PDE4D: variants seen among roughly 807,000 people sequenced by gnomAD.
PDE4D encodes phosphodiesterase 4D, also known as 3',5'-cyclic-AMP phosphodiesterase 4D.
A neutral mutation model predicts 87.4 loss-of-function variants in PDE4D; 24 were observed. The ratio of observed to expected loss-of-function variants is 0.27; its 90% confidence interval spans 0.20 to 0.39. The LOEUF is 0.39. Among genes scored for constraint, PDE4D ranks in the 10% least tolerant of loss-of-function variants. The pLI is 1.00. For missense variants in PDE4D, 714 were observed against 1,041.0 expected, an observed-to-expected ratio of 0.69 and a Z score of 4.32; for synonymous variants, 384 against 383.2, an observed-to-expected ratio of 1.00 and a Z score of -0.02.
intron 5 of PDE4D, among the ~76,000 whole-genome samples, chr5:59,145,538 T>G (rs1188038281): frequency 6.6e-6 from 1 of 152,212 alleles, no homozygotes; most frequent in Non-Finnish European, 1.5e-5. Flanking sequence ...TAAAATGCAA[T>G]TTTACATTCA....
chr5:59,218,007 A>G (rs767455675), intron 1 of PDE4D: 2 of 489,288 alleles, frequency 4.1e-6, no homozygotes, highest in South Asian at 3.0e-5. Flanking sequence ...GGGATATCTG[A>G]GAAGTTTTCA....
chr5:59,764,654 T>G (rs1222714600), intron 1 of PDE4D, among the ~76,000 whole-genome samples: 4 of 135,208 alleles, frequency 3.0e-5, no homozygotes, highest in Non-Finnish European at 6.4e-5. Context: ...GAAGTCCCTT[T>G]TTTTTTTTTT....
At chr5:59,659,814 G>C (rs558377430) in intron 1 of PDE4D, among the ~76,000 whole-genome samples, 1 of 152,146 alleles carries the variant, frequency 6.6e-6, no homozygotes, top group Non-Finnish European at 1.5e-5. Context: ...AGCTCTGAAT[G>C]CATCAAGATA....
At chr5:59,765,933 A>G (rs1301386479) in intron 1 of PDE4D, among the ~76,000 whole-genome samples, 1 of 152,218 alleles carries the variant, frequency 6.6e-6, no homozygotes, top group Non-Finnish European at 1.5e-5. Flanking sequence ...CTTTGTAATA[A>G]TTAGGTACAG....
chr5:59,464,898 T>C (rs1480161966), intron 1 of PDE4D, among the ~76,000 whole-genome samples: 1 of 152,098 alleles, frequency 6.6e-6, no homozygotes, highest in Non-Finnish European at 1.5e-5. Context: ...AAAAAAAAAA[T>C]CTTTTCAAAA....
At chr5:59,637,023 A>T (rs1832333709) in intron 1 of PDE4D, among the ~76,000 whole-genome samples, 1 of 152,240 alleles carries the variant, frequency 6.6e-6, no homozygotes, top group African/African-American at 2.4e-5. Context: ...AATATCCAGA[A>T]TCTACAAGGA....
intron 6 of PDE4D, among the ~76,000 whole-genome samples, chr5:59,027,488 G>A (rs938434853): frequency 2.8e-4 from 42 of 152,198 alleles, no homozygotes; most frequent in African/African-American, 6.5e-4. Context: ...TGGGAATTCC[G>A]CACAGGAGGA....
chr5:59,131,960 C>T (rs1776356116), intron 5 of PDE4D, among the ~76,000 whole-genome samples: 1 of 152,044 alleles, frequency 6.6e-6, no homozygotes, highest in Non-Finnish European at 1.5e-5. Flanking sequence ...TCGCGTATGG[C>T]TCCAACCTAC....
At chr5:60,504,556 A>G (rs1052666815) in intron 1 of PDE4D, among the ~76,000 whole-genome samples, 2 of 152,164 alleles carry the variant, frequency 1.3e-5, no homozygotes, top group African/African-American at 4.8e-5. Flanking sequence ...AGCCTCTGCT[A>G]CACTAAAATG....
At chr5:59,191,301 A>G (rs926482386) in intron 3 of PDE4D, among the ~76,000 whole-genome samples, 2 of 152,020 alleles carry the variant, frequency 1.3e-5, no homozygotes, top group African/African-American at 4.8e-5. Context: ...CCAATTTACT[A>G]ATCTATTTGT....
chr5:60,260,946 G>A (rs1423322867), intron 1 of PDE4D, among the ~76,000 whole-genome samples: 1 of 152,060 alleles, frequency 6.6e-6, no homozygotes, highest in African/African-American at 2.4e-5. Context: ...CAGCCTGTGA[G>A]TCAGAGGATG....
chr5:59,896,948 CT>C (rs1296273362), upstream of PDE4D, among the ~76,000 whole-genome samples: 1 of 152,086 alleles, frequency 6.6e-6, no homozygotes, highest in East Asian at 1.9e-4. Context: ...TTGGTTTTCC[CT>C]GCTTATATGT....
chr5:59,664,860 C>T (rs1451369520), intron 1 of PDE4D, among the ~76,000 whole-genome samples: 1 of 152,096 alleles, frequency 6.6e-6, no homozygotes, highest in Non-Finnish European at 1.5e-5. Flanking sequence ...AATATATTCT[C>T]GTCATTATCA....
chr5:60,511,632 C>G (rs1750577786), intron 1 of PDE4D, among the ~76,000 whole-genome samples: 2 of 151,356 alleles, frequency 1.3e-5, no homozygotes, highest in African/African-American at 4.9e-5. Flanking sequence ...AATTATGGAC[C>G]CTGTGTTACA....
rs527563358 is a variant in PDE4D at position 60,092,828 on chromosome 5, C to T, written c.42+92729G>A. Among the ~76,000 whole-genome samples, 7 of 152,276 alleles carry T rather than the reference C, an allele frequency of 4.6e-5. No individual in the cohort carries two copies. In the East Asian group the frequency reaches 1.4e-3, roughly 29 times the overall value. On this transcript the variant is annotated intron_variant, in intron 2 of 16. Transcript: ENST00000502484. ...TAGGCTAAATTACAATGCTCTGGAG[C>T]AAGATTCATAGACTTGGGACACTCT...
chr5:59,243,564 A>G (rs993361084), intron 1 of PDE4D, among the ~76,000 whole-genome samples: 1 of 134,760 alleles, frequency 7.4e-6, no homozygotes, highest in African/African-American at 2.8e-5. Flanking sequence ...GGTTCAAGTG[A>G]TTCTCCTGCC....
chr5:59,396,099 C>G lies in PDE4D; in HGVS notation c.456-180131G>C, dbSNP rs1357989068. Among the ~76,000 whole-genome samples the G allele has an allele frequency of 4.2e-4, 50 of 120,358 alleles. 12 individuals carry two copies. Among genetic ancestry groups the G allele is most frequent in the Non-Finnish European group, 7.8e-4 (44 of 56,562 alleles). 79.0% of individuals were successfully genotyped at this position (120,358 alleles called of 152,430 possible). ...GGACTATGTGAATAGACCAAGTCTA[C>G]GTCTGACTGGTGTACCTGAAAGTGA... On this transcript the variant is annotated intron_variant, in intron 1 of 14. Transcript: ENST00000340635.
In PDE4D at chr5:59,185,053, C is replaced by T; in HGVS notation, c.758+136G>A. 3 of 579,598 alleles carry T rather than the reference C, an allele frequency of 5.2e-6. No homozygotes were observed. The African/African-American group carries it at 5.6e-5, about 11-fold the overall frequency. 35.9% of individuals were successfully genotyped at this position (579,598 alleles called of 1,614,324 possible). ...AAGTATTTATAGAAAATTAACAGGA[C>T]ATCATATGACTTAGTATACACAGAC... On this transcript the variant is annotated intron_variant, in intron 4 of 14. Transcript: ENST00000340635.
At chr5:59,347,383 T>G (rs1200457368) in intron 1 of PDE4D, among the ~76,000 whole-genome samples, 1 of 152,186 alleles carries the variant, frequency 6.6e-6, no homozygotes, top group Non-Finnish European at 1.5e-5. Flanking sequence ...ATGGGTGCTA[T>G]TCTCAAAATC....
Sources: gnomAD v4.1 joint callset for allele counts (sites outside exome capture counted in the v4.1 genomes callset) on GRCh38, gnomAD v4.1.1 for gene constraint, MANE v1.5 for transcripts, NCBI Gene and HGNC (gene_info 2026-07-23, HGNC 2026-07-21) for gene names.